Variants in PAX5 observed in about 807,000 individuals in gnomAD.
The protein encoded by PAX5 is paired box protein Pax-5.
A neutral mutation model predicts 43.7 loss-of-function variants in PAX5; 9 were observed. That is an observed-to-expected ratio of 0.21 (90% CI 0.12 to 0.36). The LOEUF (loss-of-function observed/expected upper bound fraction) is 0.36, where lower values mean the gene tolerates loss of function less well. PAX5 is among the 10% of genes least tolerant of loss of function. PAX5 has a pLI of 1.00. For missense variants in PAX5, 383 were observed against 532.7 expected (o/e 0.72, Z 2.77); for synonymous variants, 228 against 214.3 (o/e 1.06, Z -0.56).
intron 6 of PAX5, among the ~76,000 whole-genome samples, chr9:36,924,261 T>C (rs1463754411): frequency 6.6e-6 from 1 of 152,218 alleles, no homozygotes; most frequent in African/African-American, 2.4e-5. Flanking sequence ...AATCAGAGTT[T>C]GCAATGAGTC....
chr9:36,900,121 G>A (rs1828240445), intron 7 of PAX5, among the ~76,000 whole-genome samples: 1 of 152,136 alleles, frequency 6.6e-6, no homozygotes, highest in Non-Finnish European at 1.5e-5. Context: ...TTTTGTTTGG[G>A]GCATTTTCCA....
At chr9:37,027,275 G>T (rs1260102764) in intron 1 of PAX5, among the ~76,000 whole-genome samples, 1 of 152,222 alleles carries the variant, frequency 6.6e-6, no homozygotes, top group Non-Finnish European at 1.5e-5. Context: ...GTCCCCGGGA[G>T]CGTGCAGCCC....
intron 7 of PAX5, among the ~76,000 whole-genome samples, chr9:36,889,665 A>G (rs1169151721): frequency 6.6e-6 from 1 of 152,212 alleles, no homozygotes; most frequent in African/African-American, 2.4e-5. Flanking sequence ...AAGTCCCCAG[A>G]GATCAAGAAC....
At position 37,015,167 on chromosome 9, in the gene PAX5, A is replaced by C. The variant is rs1226956711; in HGVS notation, c.240T>G (p.Pro80=). The part of the protein sequence containing the change: ...GRYYETGSIK[P]GVIGGSKPKV... ...TTGGTTTGGATCCTCCAATTACCCC[A>C]GGCTTGATGCTTCCTGTCTCATAAT... The change falls in exon 3 of 10, where the codon CCT becomes CCG. Residue 80 remains proline (P), a synonymous_variant. Transcript: ENST00000358127. The surrounding 1 kb of genome is among the most constrained non-coding windows in gnomAD (Gnocchi z 4.4). 2.5e-6 allele frequency: 4 copies of C among 1,614,198 alleles called. No individual in the cohort carries two copies. The East Asian group carries it at 8.9e-5, about 36-fold the overall frequency.
intron 5 of PAX5, among the ~76,000 whole-genome samples, chr9:36,996,188 A>G (rs1837381568): frequency 1.3e-5 from 2 of 152,256 alleles, no homozygotes; most frequent in African/African-American, 4.8e-5. Flanking sequence ...GCCCTCTGCC[A>G]TGACGGGCCT....
intron 6 of PAX5, among the ~76,000 whole-genome samples, chr9:36,961,190 A>T (rs1441071151): frequency 6.6e-6 from 1 of 152,250 alleles, no homozygotes; most frequent in Admixed American, 6.5e-5. Context: ...TCCCAGGAAC[A>T]GGATGCCCAC....
chr9:36,873,889 G>A (rs1825700728), intron 8 of PAX5, among the ~76,000 whole-genome samples: 1 of 152,256 alleles, frequency 6.6e-6, no homozygotes, highest in Non-Finnish European at 1.5e-5. Flanking sequence ...GAACTGGGCA[G>A]TATATATTTT....
intron 8 of PAX5, among the ~76,000 whole-genome samples, chr9:36,861,917 C>G (rs143974858): frequency 6.6e-6 from 1 of 152,258 alleles, no homozygotes; most frequent in Non-Finnish European, 1.5e-5. Context: ...AGGAAAGAGG[C>G]TGTTGCAAGG....
At position 36,840,648 on chromosome 9, in the gene PAX5, G is replaced by C; in HGVS notation, c.1100-12C>G. ...ATAGTAGGGGGAGCCTGGAAGAGACGGGAGAGAGCACCGAGGTCAGATCCG... is the reference window on the plus strand; with the variant it reads ...ATAGTAGGGGGAGCCTGGAAGAGACCGGAGAGAGCACCGAGGTCAGATCCG... On this transcript the variant is annotated splice_polypyrimidine_tract_variant and intron_variant, in intron 9 of 9. Transcript: ENST00000358127. 1 of 1,535,664 alleles carries C rather than the reference G, an allele frequency of 6.5e-7. No homozygotes were observed. Among genetic ancestry groups the C allele is most frequent in the African/African-American group, 1.3e-5 (1 of 74,128 alleles).
intron 8 of PAX5, among the ~76,000 whole-genome samples, chr9:36,875,431 A>C (rs1825826659): frequency 6.6e-6 from 1 of 152,182 alleles, no homozygotes; most frequent in South Asian, 2.1e-4. Flanking sequence ...CGAGTAAACC[A>C]CACACTAAAT....
intron 9 of PAX5, among the ~76,000 whole-genome samples, chr9:36,842,046 C>A (rs1822108488): frequency 6.6e-6 from 1 of 152,154 alleles, no homozygotes; most frequent in Admixed American, 6.5e-5. Context: ...CCCATCACCC[C>A]AAGGAGGCAG....
chr9:36,995,777 C>T (rs1307918366), intron 5 of PAX5, among the ~76,000 whole-genome samples: 1 of 152,088 alleles, frequency 6.6e-6, no homozygotes, highest in African/African-American at 2.4e-5. Flanking sequence ...GGGGGAGTCT[C>T]GAGGTCCAGG....
chr9:36,899,459 A>G (rs899684180), intron 7 of PAX5, among the ~76,000 whole-genome samples: 2 of 151,780 alleles, frequency 1.3e-5, no homozygotes, highest in Non-Finnish European at 2.9e-5. Context: ...TCTTTCTTTC[A>G]CTCAGAAAAC....
intron 7 of PAX5, among the ~76,000 whole-genome samples, chr9:36,895,177 C>A (rs995122017): frequency 1.1e-4 from 17 of 152,194 alleles, no homozygotes; most frequent in African/African-American, 4.1e-4. Flanking sequence ...ATGCGGAAGA[C>A]GAGAGGCGCA....
chr9:36,868,983 C>T (rs1752754321), intron 8 of PAX5, among the ~76,000 whole-genome samples: 2 of 152,350 alleles, frequency 1.3e-5, no homozygotes, highest in African/African-American at 4.8e-5. Context: ...AGCTTACGGG[C>T]ATGGGTGGTT....
chr9:36,959,662 T>C (rs962517629), intron 6 of PAX5, among the ~76,000 whole-genome samples: 4 of 152,236 alleles, frequency 2.6e-5, no homozygotes, highest in African/African-American at 9.6e-5. Flanking sequence ...CACTGGTTCA[T>C]GTGGCCGTGC....
In PAX5 at chr9:36,980,380, TG is replaced by T. The variant is rs777223557; in HGVS notation, c.605-13657del. On this transcript the variant is annotated intron_variant, in intron 5 of 9. Coordinates refer to ENST00000358127, the MANE Select transcript of PAX5 (RefSeq NM_016734.3). Reference sequence around the variant, plus strand: ...AAGCCATAAATAAAGCAGGTGCCTCTGGGGGGAGCCATTGCCGAAGCCAGAG... The same window carrying T: ...AAGCCATAAATAAAGCAGGTGCCTCTGGGGGAGCCATTGCCGAAGCCAGAG... Among the ~76,000 whole-genome samples, 19 of 152,234 alleles carry T rather than the reference TG, an allele frequency of 1.2e-4. No individual in the cohort carries two copies. In the East Asian group the frequency reaches 1.5e-3, roughly 12 times the overall value.
At chr9:36,999,042 T>C (rs759338400) in intron 5 of PAX5, among the ~76,000 whole-genome samples, 9 of 152,204 alleles carry the variant, frequency 5.9e-5, no homozygotes, top group Non-Finnish European at 1.2e-4. Context: ...GTTATCTTTT[T>C]ACCTGAAACA....
chr9:37,034,098 C>CTTTTTTTTGTTTTTTTTTTTTT lies in PAX5; in HGVS notation c.-68_-67insAAAAAAAAAAAAACAAAAAAAA. 1 of 313,510 alleles carries CTTTTTTTTGTTTTTTTTTTTTT rather than the reference C, an allele frequency of 3.2e-6. No homozygotes were observed. The highest frequency in any genetic ancestry group is 5.6e-6 in the Non-Finnish European group (1 of 178,542). The allele number at this position is 313,510 out of a possible 1,614,324, so 19.4% of individuals were successfully genotyped here. ...TCCACTTTTTTGTGCCTTTTTTTTT[C>CTTTTTTTTGTTTTTTTTTTTTT]TTTTTTTTTTTTTTTTTTTTTTTTT... is the stretch of plus-strand genomic sequence containing the variant. On this transcript the variant is annotated 5_prime_UTR_variant, in exon 1 of 10. Coordinates refer to ENST00000358127, the MANE Select transcript of PAX5 (RefSeq NM_016734.3).
Sources: allele counts gnomAD v4.1 joint callset (sites outside exome capture counted in the v4.1 genomes callset), GRCh38; gene constraint gnomAD v4.1.1; non-coding constraint Gnocchi (gnomAD v3.1); transcripts MANE v1.5; gene names NCBI Gene and HGNC (gene_info 2026-07-23, HGNC 2026-07-21).